Variants in HSF5 observed in about 807,000 individuals in gnomAD.
The protein encoded by HSF5 is heat shock transcription factor 5, also known as heat shock factor protein 5.
Under a neutral mutation model 50.8 loss-of-function variants are expected in HSF5, and 5 were observed. The ratio of observed to expected loss-of-function variants is 0.10; its 90% CI spans 0.05 to 0.21. The LOEUF is 0.21. Ranked by LOEUF, HSF5 falls within the 10% of genes least tolerant of loss-of-function variation. HSF5 has a pLI of 1.00. For synonymous variants in HSF5, 307 were observed against 307.4 expected (o/e 1.00, Z 0.02); for missense variants, 564 against 762.6 (o/e 0.74, Z 3.07).
chr17:58,428,049 A>G (rs1232523256), intron 5 of HSF5, among the ~76,000 whole-genome samples: 3 of 152,220 alleles, frequency 2.0e-5, no homozygotes, highest in Non-Finnish European at 4.4e-5. Context: ...ATTTCACATA[A>G]TTTTCATGTA....
At position 58,472,411 on chromosome 17, in the gene HSF5, G is replaced by C. The variant is rs560765736; in HGVS notation, c.926-5432C>G. On this transcript the variant is annotated intron_variant, in intron 2 of 5. Coordinates refer to ENST00000323777, the MANE Select transcript of HSF5 (RefSeq NM_001080439.3). ...GGATAGCTTGAGACCAGGAGTTCAG[G>C]CTGCAGTGAGCTATGATCATGCCAC... Among the ~76,000 whole-genome samples, 11 of 152,276 alleles carry C rather than the reference G, an allele frequency of 7.2e-5. No homozygotes were observed. The East Asian group carries it at 1.7e-3, about 24-fold the overall frequency.
intron 5 of HSF5, among the ~76,000 whole-genome samples, chr17:58,439,344 G>T (rs1262077703): frequency 6.7e-6 from 1 of 150,258 alleles, no homozygotes; most frequent in Non-Finnish European, 1.5e-5. Context: ...CATATGTTGT[G>T]GGGAAACAAC....
intron 2 of HSF5, among the ~76,000 whole-genome samples, chr17:58,475,251 G>C (rs1219883917): frequency 6.6e-6 from 1 of 152,162 alleles, no homozygotes; most frequent in Non-Finnish European, 1.5e-5. Context: ...AAAATAGTGA[G>C]TACTATTAAA....
intron 4 of HSF5, 70 bp downstream of exon 4, chr17:58,462,712 C>T: frequency 7.1e-7 from 1 of 1,409,646 alleles, no homozygotes; most frequent in Non-Finnish European, 9.6e-7. Context: ...AAACTCTCCA[C>T]TAGAATAGTC....
intron 5 of HSF5, among the ~76,000 whole-genome samples, chr17:58,450,831 G>A (rs1045464080): frequency 6.6e-6 from 1 of 152,074 alleles, no homozygotes; most frequent in Non-Finnish European, 1.5e-5. Context: ...GCTCACGCCT[G>A]TAATCCCAGC....
intron 5 of HSF5, among the ~76,000 whole-genome samples, chr17:58,457,230 A>T (rs935305949): frequency 4.6e-5 from 7 of 151,722 alleles, no homozygotes; most frequent in African/African-American, 1.7e-4. Flanking sequence ...ATTGCACTAC[A>T]GCCCGGGCAA....
intron 5 of HSF5, among the ~76,000 whole-genome samples, chr17:58,453,530 G>A (rs1974667850): frequency 6.6e-6 from 1 of 151,924 alleles, no homozygotes; most frequent in Non-Finnish European, 1.5e-5. Flanking sequence ...GGAGGCAGAG[G>A]TTGTGATGAG....
At chr17:58,429,414 T>C (rs1337528844) in intron 5 of HSF5, among the ~76,000 whole-genome samples, 3 of 152,128 alleles carry the variant, frequency 2.0e-5, no homozygotes, top group Non-Finnish European at 4.4e-5. Context: ...TGGTGGCCCA[T>C]GCCTGTAGTC....
intron 1 of HSF5, among the ~76,000 whole-genome samples, chr17:58,482,120 T>TAAAG (rs61252478): frequency 6.6e-6 from 1 of 151,706 alleles, no homozygotes; most frequent in Non-Finnish European, 1.5e-5. Flanking sequence ...AATAAATAAA[T>TAAAG]AAATAAATAA....
chr17:58,467,441 A>G (rs1974883196), intron 2 of HSF5, among the ~76,000 whole-genome samples: 2 of 152,238 alleles, frequency 1.3e-5, no homozygotes, highest in Admixed American at 6.5e-5. Flanking sequence ...TCCAGTAGAA[A>G]TGTACACAAA....
chr17:58,461,246 AAC>A (rs1974790319), intron 4 of HSF5, among the ~76,000 whole-genome samples: 1 of 133,886 alleles, frequency 7.5e-6, no homozygotes, highest in South Asian at 2.2e-4. Context: ...CAACAACAAC[AAC>A]AACAACAACA....
intron 1 of HSF5, among the ~76,000 whole-genome samples, chr17:58,480,762 G>GCTTGCTAT (rs1555644446): frequency 6.8e-6 from 1 of 146,374 alleles, no homozygotes; most frequent in Non-Finnish European, 1.5e-5. Context: ...AACGCTCTTT[G>GCTTGCTAT]CTATCTATCT....
At chr17:58,474,992 A>AT (rs1555643978) in intron 2 of HSF5, among the ~76,000 whole-genome samples, 9 of 151,832 alleles carry the variant, frequency 5.9e-5, no homozygotes, top group African/African-American at 1.7e-4. Context: ...GGTAAAAAAA[A>AT]TTTTTTTTTA....
intron 5 of HSF5, among the ~76,000 whole-genome samples, chr17:58,438,242 A>G (rs1974452324): frequency 6.6e-6 from 1 of 152,250 alleles, no homozygotes; most frequent in Non-Finnish European, 1.5e-5. Flanking sequence ...CCACTGTATT[A>G]CAATTGCTTA....
At chr17:58,427,664 T>A (rs192997620) in intron 5 of HSF5, among the ~76,000 whole-genome samples, 21 of 152,362 alleles carry the variant, frequency 1.4e-4, no homozygotes, top group African/African-American at 5.0e-4. Flanking sequence ...ATTAATATTT[T>A]AACTTGAAAT....
chr17:58,487,269 C>A (rs1343644253), intron 1 of HSF5, among the ~76,000 whole-genome samples: 1 of 152,212 alleles, frequency 6.6e-6, no homozygotes, highest in African/African-American at 2.4e-5. Flanking sequence ...TAGGGTGACT[C>A]CACTCTGCTT....
At chr17:58,448,081 T>C (rs1215276811) in intron 5 of HSF5, among the ~76,000 whole-genome samples, 2 of 134,796 alleles carry the variant, frequency 1.5e-5, no homozygotes, top group Non-Finnish European at 3.0e-5. Flanking sequence ...TTGCAGCGAA[T>C]TGAGATCAGG....
chr17:58,476,904 G>T, intron 2 of HSF5: 1 of 996,376 alleles, frequency 1.0e-6, no homozygotes. Flanking sequence ...GCCCTGTAGT[G>T]GTTGGAGTTG....
intron 5 of HSF5, among the ~76,000 whole-genome samples, chr17:58,435,488 A>G (rs960373084): frequency 6.6e-6 from 1 of 152,178 alleles, no homozygotes; most frequent in Non-Finnish European, 1.5e-5. Flanking sequence ...CGGAGGTTGC[A>G]GTGAGTCGAG....
Sources: allele counts gnomAD v4.1 joint callset (sites outside exome capture counted in the v4.1 genomes callset), GRCh38; gene constraint gnomAD v4.1.1; transcripts MANE v1.5; gene names NCBI Gene and HGNC (gene_info 2026-07-23, HGNC 2026-07-21).